Variants in SORCS3 observed in about 807,000 individuals in gnomAD.
The protein encoded by SORCS3 is sortilin related VPS10 domain containing receptor 3, also known as VPS10 domain-containing receptor SorCS3.
Under a neutral mutation model 146.3 loss-of-function variants are expected in SORCS3, and 57 were observed. The observed-to-expected ratio is 0.39, with a 90% CI of 0.31 to 0.49. SORCS3 has a LOEUF of 0.49. Ranked by LOEUF, SORCS3 falls within the 20% of genes least tolerant of loss-of-function variation. SORCS3 has a pLI of 0.92. For missense variants in SORCS3, 1,341 were observed against 1,575.5 expected (o/e 0.85, Z 2.52); for synonymous variants, 653 against 618.5 (o/e 1.06, Z -0.83).
In SORCS3 at chr10:104,864,041, A is replaced by G. The variant is rs2491378; in HGVS notation, c.695+21182A>G. On this transcript the variant is annotated intron_variant, in intron 2 of 26. Coordinates refer to ENST00000369701, the MANE Select transcript of SORCS3 (RefSeq NM_014978.3). ...GCAGTTATCATAACTGCTAGCATATATTGAATAGCTACTGTGTGCCAGGAA... is the reference window on the plus strand; with the variant it reads ...GCAGTTATCATAACTGCTAGCATATGTTGAATAGCTACTGTGTGCCAGGAA... Among the ~76,000 whole-genome samples the G allele has an allele frequency of 2.2e-3, 340 of 152,268 alleles. 3 individuals are homozygous for G. Among genetic ancestry groups the G allele is most frequent in the African/African-American group, 7.9e-3 (328 of 41,546 alleles).
At chr10:104,921,485 GTC>G (rs374928379) in intron 3 of SORCS3, among the ~76,000 whole-genome samples, 23 of 146,372 alleles carry the variant, frequency 1.6e-4, no homozygotes, top group East Asian at 6.0e-4. Context: ...AGAGGTACAT[GTC>G]TCTCTCTCTC....
chr10:105,217,992 A>G (rs940158384), intron 19 of SORCS3: 2 of 409,592 alleles, frequency 4.9e-6, no homozygotes, highest in Non-Finnish European at 9.7e-6. Flanking sequence ...AGTGAAAATC[A>G]TAAGTTCTGA....
intron 2 of SORCS3, 113 bp from the exon 3 acceptor site, chr10:104,915,720 A>G: frequency 1.2e-6 from 1 of 823,304 alleles, no homozygotes; most frequent in South Asian, 1.5e-5. Flanking sequence ...AAGCACTCAT[A>G]TGATTCGGGA....
intron 7 of SORCS3, among the ~76,000 whole-genome samples, chr10:105,116,579 G>A (rs1206337120): frequency 6.6e-6 from 1 of 152,076 alleles, no homozygotes; most frequent in Non-Finnish European, 1.5e-5. Flanking sequence ...AAAGACACAT[G>A]CACACATGTG....
At position 105,262,370 on chromosome 10, in the gene SORCS3, C is replaced by A. The variant is rs768149623; in HGVS notation, c.3483C>A (p.His1161Gln). The A allele has an allele frequency of 1.9e-6, 3 of 1,613,802 alleles. No homozygotes were observed. In the African/African-American group the frequency reaches 4.0e-5, roughly 22 times the overall value. Reference protein sequence around the residue: ...PWINIYAQVQHDKEQEMIGSV... With the variant: ...PWINIYAQVQQDKEQEMIGSV... ...TTAACATCTATGCTCAAGTCCAACA[C>A]GACAAGGAGCAGGAGATGATTGGGT... Residue 1161 changes from histidine to glutamine, a missense_variant, in exon 26 of 27, where the codon CAC (histidine) becomes CAA (glutamine). Coordinates refer to ENST00000369701, the MANE Select transcript of SORCS3 (RefSeq NM_014978.3).
chr10:104,931,644 A>G (rs1233867674), intron 3 of SORCS3, among the ~76,000 whole-genome samples: 1 of 152,210 alleles, frequency 6.6e-6, no homozygotes, highest in Non-Finnish European at 1.5e-5. Flanking sequence ...CTCAACCTCT[A>G]GAAAGGCTCC....
chr10:104,981,141 A>G (rs1235880889), intron 4 of SORCS3, among the ~76,000 whole-genome samples: 1 of 152,120 alleles, frequency 6.6e-6, no homozygotes, highest in African/African-American at 2.4e-5. Context: ...TGGTCAGCTT[A>G]ATTTGGGCAT....
In SORCS3 at chr10:105,247,244, A is replaced by G. The variant is rs2056872113; in HGVS notation, c.3018A>G (p.Ser1006=). Residue 1006 remains serine (S), a synonymous_variant, in exon 22 of 27, where the codon TCA becomes TCG. Coordinates refer to ENST00000369701, the MANE Select transcript of SORCS3 (RefSeq NM_014978.3). The part of the protein sequence containing the change: ...VHEYFQSQLL[S]FSPNLDYHNP... ...AATATTTCCAGTCCCAGCTTTTATC[A>G]TTCTCTCCTAATCTGGATTACCACA... 1 of 1,607,184 alleles carries G rather than the reference A, an allele frequency of 6.2e-7. No individual in the cohort carries two copies. Among genetic ancestry groups the G allele is most frequent in the East Asian group, 2.2e-5 (1 of 44,670 alleles).
At chr10:104,844,833 A>T (rs2018185393) in intron 2 of SORCS3, among the ~76,000 whole-genome samples, 1 of 152,168 alleles carries the variant, frequency 6.6e-6, no homozygotes. Context: ...GGATGACCTC[A>T]TCTTGAGATC....
At chr10:105,198,410 C>T (rs930675927) in intron 14 of SORCS3, among the ~76,000 whole-genome samples, 1 of 152,102 alleles carries the variant, frequency 6.6e-6, no homozygotes, top group African/African-American at 2.4e-5. Context: ...TTGTTTGTTT[C>T]GTTTTCCCTT....
At chr10:104,870,525 T>A (rs572251818) in intron 2 of SORCS3, among the ~76,000 whole-genome samples, 1 of 152,030 alleles carries the variant, frequency 6.6e-6, no homozygotes, top group East Asian at 1.9e-4. Flanking sequence ...CACCTCAGCA[T>A]GAGGGAAGGT....
intron 3 of SORCS3, among the ~76,000 whole-genome samples, chr10:104,960,147 A>G (rs1056962945): frequency 4.6e-5 from 7 of 152,146 alleles, no homozygotes; most frequent in African/African-American, 1.7e-4. Context: ...TCCCAGATAT[A>G]CTGATGTTGT....
chr10:105,163,580 T>C (rs977191468), intron 11 of SORCS3, among the ~76,000 whole-genome samples: 1 of 152,148 alleles, frequency 6.6e-6, no homozygotes, highest in African/African-American at 2.4e-5. Flanking sequence ...CTAGAAAAGC[T>C]TGACCACTTT....
intron 2 of SORCS3, among the ~76,000 whole-genome samples, chr10:104,912,738 C>T (rs923093183): frequency 6.6e-6 from 1 of 152,196 alleles, no homozygotes; most frequent in African/African-American, 2.4e-5. Context: ...CTGTTAAAAA[C>T]ATGGTTCTAG....
At chr10:105,075,384 C>T (rs2055582345) in intron 5 of SORCS3, among the ~76,000 whole-genome samples, 1 of 152,152 alleles carries the variant, frequency 6.6e-6, no homozygotes, top group South Asian at 2.1e-4. Context: ...TGTGAACATG[C>T]TCTGTGAAAT....
intron 24 of SORCS3, among the ~76,000 whole-genome samples, chr10:105,256,514 G>A (rs2056932299): frequency 6.6e-6 from 1 of 152,184 alleles, no homozygotes; most frequent in Admixed American, 6.5e-5. Flanking sequence ...GCCTATCTAA[G>A]AGAAAGAGCA....
intron 23 of SORCS3, among the ~76,000 whole-genome samples, chr10:105,253,832 C>T (rs1378068917): frequency 1.3e-5 from 2 of 152,194 alleles, no homozygotes; most frequent in Non-Finnish European, 2.9e-5. Flanking sequence ...TGCAGGGTTG[C>T]ATATTGAAGT....
At chr10:104,881,267 TCTC>T (rs1159346227) in intron 2 of SORCS3, among the ~76,000 whole-genome samples, 1 of 152,154 alleles carries the variant, frequency 6.6e-6, no homozygotes, top group Non-Finnish European at 1.5e-5. Flanking sequence ...TGTAGTTTAA[TCTC>T]CTGAAATATT....
intron 2 of SORCS3, among the ~76,000 whole-genome samples, chr10:104,883,670 G>A (rs2018652155): frequency 6.6e-6 from 1 of 152,086 alleles, no homozygotes; most frequent in South Asian, 2.1e-4. Context: ...TTTATTGTTG[G>A]TCCTACTCTA....
Sources: allele counts gnomAD v4.1 joint callset (sites outside exome capture counted in the v4.1 genomes callset), GRCh38; gene constraint gnomAD v4.1.1; transcripts MANE v1.5; gene names NCBI Gene and HGNC (gene_info 2026-07-23, HGNC 2026-07-21).